Variants in CLDN14 observed in about 807,000 individuals in gnomAD.
CLDN14 encodes the protein claudin-14.
In CLDN14, 2 loss-of-function variants were observed where a neutral mutation model predicts 2.1. The observed-to-expected ratio is 0.96, with a 90% CI of 0.39 to 3.01. CLDN14 has a LOEUF of 3.01. CLDN14 is among the 30% of genes most tolerant of loss of function. The probability of loss-of-function intolerance (pLI) is 0.09; values close to 1 mark genes in which losing one functional copy is unlikely to be tolerated. For missense variants in CLDN14, 298 were observed against 328.0 expected, an observed-to-expected ratio of 0.91 and a Z score of 0.71; for synonymous variants, 136 against 154.4, an observed-to-expected ratio of 0.88 and a Z score of 0.88.
At chr21:36,571,407 G>A (rs1342827202) in intron 1 of CLDN14, among the ~76,000 whole-genome samples, 2 of 152,198 alleles carry the variant, frequency 1.3e-5, no homozygotes, top group African/African-American at 2.4e-5. Flanking sequence ...GTAATGCAGA[G>A]CTCATACAAT....
chr21:36,474,380 G>T (rs1406141272), intron 1 of CLDN14, among the ~76,000 whole-genome samples: 1 of 152,172 alleles, frequency 6.6e-6, no homozygotes, highest in East Asian at 1.9e-4. Context: ...AATTTCAAAT[G>T]ATACTTATAA....
At chr21:36,555,480 C>T (rs867246206) in intron 1 of CLDN14, among the ~76,000 whole-genome samples, 38 of 152,222 alleles carry the variant, frequency 2.5e-4, no homozygotes, top group African/African-American at 8.9e-4. Context: ...GTTCCAAGGT[C>T]GTAAGTTTTC....
chr21:36,541,458 A>T (rs890870616), intron 1 of CLDN14, among the ~76,000 whole-genome samples: 1 of 152,198 alleles, frequency 6.6e-6, no homozygotes, highest in Non-Finnish European at 1.5e-5. Context: ...AAAAAACCTT[A>T]ACTCTGAGTT....
At chr21:36,535,733 A>T (rs937380098) in intron 1 of CLDN14, among the ~76,000 whole-genome samples, 3 of 152,088 alleles carry the variant, frequency 2.0e-5, no homozygotes, top group African/African-American at 7.2e-5. Flanking sequence ...GATCATGGGG[A>T]ATTTTTTCTC....
intron 1 of CLDN14, among the ~76,000 whole-genome samples, chr21:36,568,533 C>T (rs951152541): frequency 3.9e-5 from 6 of 152,184 alleles, no homozygotes; most frequent in African/African-American, 1.4e-4. Flanking sequence ...AAAGTAACTG[C>T]AAACATGCTT....
chr21:36,561,074 A>C (rs1318837715), intron 1 of CLDN14, among the ~76,000 whole-genome samples: 1 of 152,142 alleles, frequency 6.6e-6, no homozygotes, highest in East Asian at 1.9e-4. Context: ...ACTTCTCAAC[A>C]CCTACCCTCA....
intron 2 of CLDN14, among the ~76,000 whole-genome samples, chr21:36,495,147 G>A (rs577366858): frequency 1.2e-4 from 19 of 152,276 alleles, no homozygotes; most frequent in African/African-American, 4.6e-4. Flanking sequence ...GACCAACATT[G>A]TGAAACCCCT....
At chr21:36,532,738 C>T (rs1005777631) in intron 1 of CLDN14, among the ~76,000 whole-genome samples, 4 of 151,966 alleles carry the variant, frequency 2.6e-5, no homozygotes, top group Non-Finnish European at 5.9e-5. Context: ...TTCGAGAATG[C>T]GGGGAGAAAG....
intron 1 of CLDN14, among the ~76,000 whole-genome samples, chr21:36,478,421 C>T (rs1568849270): frequency 6.6e-6 from 1 of 152,230 alleles, no homozygotes; most frequent in Non-Finnish European, 1.5e-5. Context: ...AGCTCCTCTG[C>T]AGAGACATCT....
At chr21:36,466,043 T>G (rs919636462) in intron 1 of CLDN14, among the ~76,000 whole-genome samples, 1 of 152,178 alleles carries the variant, frequency 6.6e-6, no homozygotes, top group East Asian at 1.9e-4. Context: ...GCAGGATGTC[T>G]TGTGTGGAGG....
At chr21:36,492,571 G>A (rs938183456) in intron 2 of CLDN14, among the ~76,000 whole-genome samples, 103 of 152,100 alleles carry the variant, frequency 6.8e-4, no homozygotes, top group African/African-American at 2.3e-3. Context: ...GGAGGTTGCA[G>A]TGAGCAGTGA....
chr21:36,515,153 CT>C (rs2087217630), intron 1 of CLDN14, among the ~76,000 whole-genome samples: 1 of 152,140 alleles, frequency 6.6e-6, no homozygotes, highest in Non-Finnish European at 1.5e-5. Context: ...TAGGGAGGTT[CT>C]TCCAAAAATT....
rs73377098 is a variant in CLDN14 at position 36,572,346 on chromosome 21, G to T, written c.-220+4065C>A. On this transcript the variant is annotated intron_variant, in intron 1 of 2. Transcript: ENST00000342108. ...TGTACCATGCAGCCTTCTGTCATGA[G>T]AGTAATGTGACCCTTTGTGCTTGGT... Among the ~76,000 whole-genome samples, 184 of 152,242 alleles carry T rather than the reference G, an allele frequency of 1.2e-3. 1 individual carries two copies. Among genetic ancestry groups the T allele is most frequent in the African/African-American group, 4.3e-3 (180 of 41,558 alleles).
chr21:36,512,568 C>G (rs1568864917), intron 1 of CLDN14, among the ~76,000 whole-genome samples: 1 of 152,152 alleles, frequency 6.6e-6, no homozygotes. Context: ...CAGCCATTAA[C>G]ATGGATGAAT....
At chr21:36,567,449 G>A (rs1341769942) in intron 1 of CLDN14, among the ~76,000 whole-genome samples, 1 of 152,220 alleles carries the variant, frequency 6.6e-6, no homozygotes, top group Non-Finnish European at 1.5e-5. Flanking sequence ...GGAACTGGCT[G>A]ATTTATGTCT....
chr21:36,528,563 T>C (rs2087353446), intron 1 of CLDN14, among the ~76,000 whole-genome samples: 2 of 152,168 alleles, frequency 1.3e-5, no homozygotes, highest in African/African-American at 4.8e-5. Flanking sequence ...GCCCACTGTG[T>C]CCTCACAGGA....
chr21:36,553,440 A>G (rs957774887), intron 1 of CLDN14, among the ~76,000 whole-genome samples: 4 of 152,056 alleles, frequency 2.6e-5, no homozygotes, highest in Non-Finnish European at 5.9e-5. Context: ...CTCTTGCAGT[A>G]TACGCCTTCC....
chr21:36,554,338 C>A (rs745974949), intron 1 of CLDN14, among the ~76,000 whole-genome samples: 3 of 152,124 alleles, frequency 2.0e-5, no homozygotes, highest in Non-Finnish European at 4.4e-5. Context: ...AGGCCTGGTC[C>A]CTGGCGCTCC....
intron 1 of CLDN14, among the ~76,000 whole-genome samples, chr21:36,475,094 G>C (rs529106979): frequency 2.7e-4 from 41 of 152,182 alleles, no homozygotes; most frequent in Non-Finnish European, 5.4e-4. Flanking sequence ...GCCGGGTGCA[G>C]GTGGGGCAAG....
Sources: allele counts gnomAD v4.1 joint callset (sites outside exome capture counted in the v4.1 genomes callset), GRCh38; gene constraint gnomAD v4.1.1; transcripts MANE v1.5; gene names NCBI Gene and HGNC (gene_info 2026-07-23, HGNC 2026-07-21).